The following SULF1 variants were observed in gnomAD, a reference collection of about 807,000 sequenced individuals.
SULF1 encodes the protein extracellular sulfatase Sulf-1.
A neutral mutation model predicts 110.5 loss-of-function variants in SULF1; 46 were observed. The observed-to-expected ratio is 0.42, with a 90% CI of 0.33 to 0.53. SULF1 has a LOEUF of 0.53. Among genes scored for constraint, SULF1 ranks in the 20% least tolerant of loss-of-function variants. SULF1 has a pLI of 0.12. For missense variants in SULF1, 941 were observed against 1,094.2 expected (o/e 0.86, Z 1.98); for synonymous variants, 371 against 387.1 (o/e 0.96, Z 0.49).
chr8:69,499,391 A>C (rs1810629290), intron 2 of SULF1, among the ~76,000 whole-genome samples: 1 of 152,190 alleles, frequency 6.6e-6, no homozygotes, highest in African/African-American at 2.4e-5. Context: ...CTAAAGAATA[A>C]ATTTGTTTTA....
At chr8:69,597,716 T>A (rs1563569050) in intron 8 of SULF1, 1 of 152,200 alleles carries the variant, frequency 6.6e-6, no homozygotes, top group Non-Finnish European at 1.5e-5. Flanking sequence ...TTTATTTGTG[T>A]TGAGGTTTTG....
intron 8 of SULF1, among the ~76,000 whole-genome samples, chr8:69,598,214 C>G (rs979899233): frequency 6.6e-6 from 1 of 151,930 alleles, no homozygotes; most frequent in African/African-American, 2.4e-5. Context: ...CAGGTCATAC[C>G]TGAAGGGTTT....
At chr8:69,613,959 CAA>C (rs35592356) in intron 13 of SULF1, among the ~76,000 whole-genome samples, 1 of 146,546 alleles carries the variant, frequency 6.8e-6, no homozygotes. Context: ...GAGTTAGCAG[CAA>C]AAAAAAAAAA....
Position 69,589,220 on chromosome 8 carries a change from C to A in SULF1, c.734+79C>A. 3.6e-6 allele frequency: 5 copies of A among 1,381,904 alleles called. No homozygotes were observed. The South Asian group carries it at 4.2e-5, about 12-fold the overall frequency. The allele number at this position is 1,381,904 out of a possible 1,614,324, so 85.6% of individuals were successfully genotyped here. A position where few individuals can be genotyped will look rare whatever the true frequency, so the allele number is the denominator to read the frequency against. On this transcript the variant is annotated intron_variant, in intron 8 of 22. Coordinates refer to ENST00000402687, the MANE Select transcript of SULF1 (RefSeq NM_001128205.2). ...CTCATCCCACTCCTCTCCTTTACCC[C>A]GTTTCCTTCCACCCTGCGTATCCAC...
chr8:69,496,241 A>G lies in SULF1; in HGVS notation c.-229+315A>G, dbSNP rs199818678. ...ATGGCTAGTCTTGCAAAGTGGTATAATATTTCTTTCTGGTACGTGAACTGT... is the reference window on the plus strand; with the variant it reads ...ATGGCTAGTCTTGCAAAGTGGTATAGTATTTCTTTCTGGTACGTGAACTGT... On this transcript the variant is annotated intron_variant, in intron 2 of 22. Coordinates refer to ENST00000402687, the MANE Select transcript of SULF1 (RefSeq NM_001128205.2). Among the ~76,000 whole-genome samples the G allele has an allele frequency of 5.9e-5, 9 of 152,360 alleles. No individual in the cohort carries two copies. The East Asian group carries it at 1.7e-3, about 29-fold the overall frequency.
At chr8:69,543,063 G>C (rs534197812) in intron 3 of SULF1, among the ~76,000 whole-genome samples, 114 of 152,276 alleles carry the variant, frequency 7.5e-4, no homozygotes, top group Non-Finnish European at 1.4e-3. Context: ...CTGTGGTTCT[G>C]TGAGATAGAG....
chr8:69,611,319 CAT>C (rs1808634819), intron 13 of SULF1, among the ~76,000 whole-genome samples: 1 of 152,230 alleles, frequency 6.6e-6, no homozygotes, highest in Non-Finnish European at 1.5e-5. Flanking sequence ...TTACAATAAT[CAT>C]ACATCTTCCA....
intron 13 of SULF1, among the ~76,000 whole-genome samples, chr8:69,613,863 C>A (rs1450119923): frequency 6.6e-6 from 1 of 152,028 alleles, no homozygotes; most frequent in Non-Finnish European, 1.5e-5. Context: ...TCATGACTAT[C>A]CATGAAGCCA....
In SULF1 at chr8:69,511,498, G is replaced by A. The variant is rs1404900778; in HGVS notation, c.-134+9530G>A. 2.0e-5 allele frequency among the ~76,000 whole-genome samples: 3 copies of A among 152,214 alleles called. No homozygotes were observed. In the South Asian group the frequency reaches 6.2e-4, roughly 32 times the overall value. ...CTAGTACAACATCACAGAGCTGCAT[G>A]CTGAGCTTCACGAAAGAGTAAAATA... On this transcript the variant is annotated intron_variant, in intron 3 of 22. Coordinates refer to ENST00000402687, the MANE Select transcript of SULF1 (RefSeq NM_001128205.2).
At chr8:69,551,944 T>G (rs890343085) in intron 3 of SULF1, among the ~76,000 whole-genome samples, 1 of 152,048 alleles carries the variant, frequency 6.6e-6, no homozygotes, top group African/African-American at 2.4e-5. Context: ...ATACAAAACT[T>G]AACTGGACAT....
rs1805599753 is a variant in SULF1 at position 69,576,196 on chromosome 8, T to A, written c.399T>A (p.Thr133=). The part of the protein sequence containing the change: ...PRTFAVYLNN[T]GYRTAFFGKY... ...CTTTTGCTGTATATCTTAACAACAC[T>A]GGCTACAGAACAGGTAAGGGATGAC... Residue 133 remains threonine (T), a synonymous_variant, in exon 6 of 23, where the codon ACT becomes ACA. Coordinates refer to ENST00000402687, the MANE Select transcript of SULF1 (RefSeq NM_001128205.2). The A allele has an allele frequency of 6.2e-6, 10 of 1,613,982 alleles. No individual in the cohort carries two copies. Among genetic ancestry groups the A allele is most frequent in the Non-Finnish European group, 8.5e-6 (10 of 1,179,992 alleles).
At chr8:69,600,535 C>A in intron 8 of SULF1, 68 bp from the exon 9 acceptor site, 2 of 1,437,728 alleles carry the variant, frequency 1.4e-6, no homozygotes, top group South Asian at 1.4e-5. Context: ...TATTTCACAA[C>A]CTCGAGATAT....
In SULF1 at chr8:69,492,993, C is replaced by T. The variant is rs556204514; in HGVS notation, c.-523C>T. 1 of 152,724 alleles carries T rather than the reference C, an allele frequency of 6.5e-6. No individual in the cohort carries two copies. Among genetic ancestry groups the T allele is most frequent in the Admixed American group, 6.5e-5 (1 of 15,298 alleles). 9.5% of individuals were successfully genotyped at this position (152,724 alleles called of 1,614,324 possible). A position where few individuals can be genotyped will look rare whatever the true frequency, so the allele number is the denominator to read the frequency against. On this transcript the variant is annotated 5_prime_UTR_variant, in exon 1 of 23. The change creates a premature stop within an existing upstream ORF in the 5' untranslated region. Transcript: ENST00000402687. ...CCGGCTGCCGGCGCTCCTCGGAGGT[C>T]AGGGCAGATGAGGAACATGACTCTC... is the stretch of plus-strand genomic sequence containing the variant.
intron 3 of SULF1, among the ~76,000 whole-genome samples, chr8:69,549,999 T>C (rs1328565688): frequency 6.6e-6 from 1 of 151,922 alleles, no homozygotes; most frequent in East Asian, 1.9e-4. Flanking sequence ...GCAATACTGA[T>C]GGCCTGTTTT....
chr8:69,578,605 C>T (rs960230359), intron 6 of SULF1, among the ~76,000 whole-genome samples: 2 of 149,348 alleles, frequency 1.3e-5, no homozygotes, highest in Non-Finnish European at 3.0e-5. Context: ...CCTTAAGAAT[C>T]GGGTCTGGGA....
intron 3 of SULF1, among the ~76,000 whole-genome samples, chr8:69,524,509 A>G (rs1812530582): frequency 6.6e-6 from 1 of 152,152 alleles, no homozygotes; most frequent in Non-Finnish European, 1.5e-5. Context: ...TCCCATGAGG[A>G]TGGCACCAAG....
At chr8:69,599,328 G>C (rs181096405) in intron 8 of SULF1, among the ~76,000 whole-genome samples, 2 of 152,302 alleles carry the variant, frequency 1.3e-5, no homozygotes, top group South Asian at 2.1e-4. Flanking sequence ...ATTCTGTGAG[G>C]CTGCCTATTT....
At chr8:69,561,623 CT>C (rs764261875) in intron 3 of SULF1, among the ~76,000 whole-genome samples, 2 of 152,202 alleles carry the variant, frequency 1.3e-5, no homozygotes, top group Non-Finnish European at 2.9e-5. Context: ...GAGCCTGTAA[CT>C]GTTCCTACCT....
intron 3 of SULF1, among the ~76,000 whole-genome samples, chr8:69,521,537 G>C (rs544142146): frequency 2.6e-5 from 4 of 152,240 alleles, no homozygotes; most frequent in South Asian, 2.1e-4. Context: ...TCTAGACAGA[G>C]AGAACAGCTA....
Sources: allele counts gnomAD v4.1 joint callset (sites outside exome capture counted in the v4.1 genomes callset), GRCh38; gene constraint gnomAD v4.1.1; transcripts MANE v1.5; gene names NCBI Gene and HGNC (gene_info 2026-07-23, HGNC 2026-07-21).